BCKDHB: variants seen among roughly 807,000 people sequenced by gnomAD.
The protein encoded by BCKDHB is 2-oxoisovalerate dehydrogenase subunit beta, mitochondrial.
BCKDHB carries 41 observed loss-of-function variants against 48.5 expected under a neutral mutation model. The observed-to-expected ratio is 0.85, with a 90% confidence interval of 0.66 to 1.10. BCKDHB has a LOEUF of 1.10. BCKDHB is among the 50% of genes least tolerant of loss of function. BCKDHB has a pLI of 0.00. For missense variants in BCKDHB, 496 were observed against 494.2 expected (o/e 1.00, Z -0.03); for synonymous variants, 201 against 174.8 (o/e 1.15, Z -1.18).
chr6:80,330,703 A>G (rs924532686), intron 9 of BCKDHB, among the ~76,000 whole-genome samples: 2 of 119,828 alleles, frequency 1.7e-5, no homozygotes, highest in African/African-American at 6.0e-5. Context: ...TCTAGAAACA[A>G]CTACAGGTAT....
chr6:80,260,212 G>T (rs61174316), intron 8 of BCKDHB, among the ~76,000 whole-genome samples: 4,528 of 151,226 alleles, frequency 0.03, 228 homozygotes, highest in African/African-American at 0.1. Context: ...GGTAATGGTG[G>T]GTGTGTGTGT....
chr6:80,231,916 G>C (rs1775942178), intron 8 of BCKDHB, among the ~76,000 whole-genome samples: 1 of 152,216 alleles, frequency 6.6e-6, no homozygotes, highest in Non-Finnish European at 1.5e-5. Context: ...AATGAGCCGA[G>C]ATTGCGCCAC....
intron 8 of BCKDHB, among the ~76,000 whole-genome samples, chr6:80,253,939 ATTAAG>A (rs560101580): frequency 1.7e-3 from 264 of 151,792 alleles, no homozygotes; most frequent in African/African-American, 6.1e-3. Flanking sequence ...CAGAACTTGA[ATTAAG>A]TTAATTAATT....
At chr6:80,351,711 C>T in the BCKDHB span, among the ~76,000 whole-genome samples, 1 of 143,688 alleles carries the variant, frequency 7.0e-6, no homozygotes. Context: ...GGTATGATCT[C>T]GGCTCACTTC....
At chr6:80,333,623 C>T (rs139869712) in intron 9 of BCKDHB, among the ~76,000 whole-genome samples, 2 of 152,208 alleles carry the variant, frequency 1.3e-5, no homozygotes, top group Non-Finnish European at 2.9e-5. Context: ...GACAAATACA[C>T]AAACTCCTGT....
the BCKDHB span, among the ~76,000 whole-genome samples, chr6:80,404,330 C>G: frequency 6.6e-6 from 1 of 151,872 alleles, no homozygotes; most frequent in African/African-American, 2.4e-5. Flanking sequence ...TAAGAATGAT[C>G]CATCTCTTCT....
the BCKDHB span, among the ~76,000 whole-genome samples, chr6:80,434,039 A>T: frequency 3.9e-5 from 6 of 152,066 alleles, no homozygotes; most frequent in Non-Finnish European, 8.8e-5. Flanking sequence ...TTTGGGAGGC[A>T]TCTTTTTAGT....
chr6:80,205,915 G>A (rs115014481), intron 8 of BCKDHB, among the ~76,000 whole-genome samples: 2,922 of 151,046 alleles, frequency 0.019, 93 homozygotes, highest in African/African-American at 0.067. Context: ...ATGACCTATA[G>A]CTGCTTTTTA....
the BCKDHB span, among the ~76,000 whole-genome samples, chr6:80,362,896 C>T: frequency 6.6e-6 from 1 of 152,092 alleles, no homozygotes; most frequent in South Asian, 2.1e-4. Flanking sequence ...GTTGCATTAA[C>T]CAAAGACGTG....
chr6:80,142,236 A>G (rs1450295540), intron 3 of BCKDHB, among the ~76,000 whole-genome samples: 1 of 152,108 alleles, frequency 6.6e-6, no homozygotes, highest in Non-Finnish European at 1.5e-5. Context: ...GTGTTAGATT[A>G]TAAAATCAAA....
chr6:80,175,462 T>C (rs1023857073), intron 6 of BCKDHB, among the ~76,000 whole-genome samples: 2 of 152,202 alleles, frequency 1.3e-5, no homozygotes, highest in African/African-American at 2.4e-5. Flanking sequence ...CAAAAGAAGC[T>C]ATAAATTTTA....
intron 9 of BCKDHB, among the ~76,000 whole-genome samples, chr6:80,306,518 G>A (rs1767884026): frequency 6.6e-6 from 1 of 152,190 alleles, no homozygotes. Context: ...TGAGATTGAT[G>A]AATGAGTAAG....
At chr6:80,413,807 T>G in the BCKDHB span, among the ~76,000 whole-genome samples, 1 of 152,200 alleles carries the variant, frequency 6.6e-6, no homozygotes, top group African/African-American at 2.4e-5. Flanking sequence ...TCCTTGAGAG[T>G]ATATACCCAG....
chr6:80,216,504 A>G (rs981483285), intron 8 of BCKDHB, among the ~76,000 whole-genome samples: 1 of 152,080 alleles, frequency 6.6e-6, no homozygotes, highest in Non-Finnish European at 1.5e-5. Flanking sequence ...TTATATAATT[A>G]TATTGTTCCA....
intron 9 of BCKDHB, among the ~76,000 whole-genome samples, chr6:80,318,686 T>TA (rs756830332): frequency 0.014 from 1,669 of 117,122 alleles, 28 homozygotes; most frequent in African/African-American, 0.041. Context: ...CTCTCTCTCT[T>TA]AAAAAAAAAA....
chr6:80,167,503 A>G, intron 3 of BCKDHB, among the ~76,000 whole-genome samples, 175 bp from the exon 4 acceptor site: 1 of 152,008 alleles, frequency 6.6e-6, no homozygotes, highest in South Asian at 2.1e-4. Flanking sequence ...TGGCCTCCCA[A>G]ACTGCTAGGA....
chr6:80,233,676 G>T (rs58898449), intron 8 of BCKDHB, among the ~76,000 whole-genome samples: 2 of 152,098 alleles, frequency 1.3e-5, no homozygotes, highest in Non-Finnish European at 2.9e-5. Flanking sequence ...TCTACTTTGC[G>T]TGTCAAATGT....
At chr6:80,227,608 A>G (rs1013684740) in intron 8 of BCKDHB, among the ~76,000 whole-genome samples, 2 of 152,144 alleles carry the variant, frequency 1.3e-5, no homozygotes, top group Middle Eastern at 3.2e-3. Context: ...TCCAGTTCTC[A>G]TATTTGAGTG....
chr6:80,250,290 C>G (rs1776783761), intron 8 of BCKDHB, among the ~76,000 whole-genome samples: 1 of 152,110 alleles, frequency 6.6e-6, no homozygotes, highest in African/African-American at 2.4e-5. Context: ...TCCTAACTCT[C>G]AAAAAATTGT....
Sources: allele counts gnomAD v4.1 joint callset (sites outside exome capture counted in the v4.1 genomes callset), GRCh38; gene constraint gnomAD v4.1.1; transcripts MANE v1.5; gene names NCBI Gene and HGNC (gene_info 2026-07-23, HGNC 2026-07-21).